BNC2: variants seen among roughly 807,000 people sequenced by gnomAD.
The protein encoded by BNC2 is basonuclin zinc finger protein 2, also known as zinc finger protein basonuclin-2.
BNC2 carries 20 observed loss-of-function variants against 76.3 expected under a neutral mutation model. The ratio of observed to expected loss-of-function variants is 0.26; its 90% CI spans 0.18 to 0.38. BNC2 has a LOEUF of 0.38. Among genes scored for constraint, BNC2 ranks in the 10% least tolerant of loss-of-function variants. BNC2 has a pLI of 1.00. For missense variants in BNC2, 1,382 were observed against 1,399.8 expected (o/e 0.99, Z 0.20); for synonymous variants, 582 against 514.8 (o/e 1.13, Z -1.77).
intron 5 of BNC2, among the ~76,000 whole-genome samples, chr9:16,548,435 T>A (rs2132478856): frequency 6.6e-6 from 1 of 151,528 alleles, no homozygotes; most frequent in Admixed American, 6.6e-5. Flanking sequence ...AGATGGAGTC[T>A]CGCTGCAATG....
chr9:16,614,285 T>C lies in BNC2; in HGVS notation c.331-31200A>G, dbSNP rs576097698. Among the ~76,000 whole-genome samples, 38 of 105,202 alleles carry C rather than the reference T, an allele frequency of 3.6e-4. No individual in the cohort carries two copies. The Admixed American group carries it at 4.0e-3, about 11-fold the overall frequency. The allele number at this position is 105,202 out of a possible 152,430, so 69.0% of individuals were successfully genotyped here. A position where few individuals can be genotyped will look rare whatever the true frequency, so the allele number is the denominator to read the frequency against. The stretch of plus-strand genomic sequence containing the variant: ...AAATCTTTCTATAATATTACTGTCA[T>C]AAAGACCTTATTAGCAAGGATGGGG... On this transcript the variant is annotated intron_variant, in intron 3 of 6. Transcript: ENST00000380672.
intron 5 of BNC2, among the ~76,000 whole-genome samples, chr9:16,456,098 T>C (rs1821442643): frequency 6.6e-6 from 1 of 152,140 alleles, no homozygotes; most frequent in Admixed American, 6.5e-5. Context: ...GAAGAAAAGG[T>C]ACTATTACAT....
At chr9:16,785,787 A>G (rs1826276656) in intron 1 of BNC2, among the ~76,000 whole-genome samples, 1 of 150,328 alleles carries the variant, frequency 6.7e-6, no homozygotes, top group African/African-American at 2.4e-5. Flanking sequence ...AGCCTGGGCA[A>G]CAGAGCCAGA....
rs147346587 is a variant in BNC2 at position 16,568,924 on chromosome 9, C to T, written c.433+14059G>A. Among the ~76,000 whole-genome samples, 169 of 151,586 alleles carry T rather than the reference C, an allele frequency of 1.1e-3. 2 individuals are homozygous for T. Among genetic ancestry groups the T allele is most frequent in the African/African-American group, 3.9e-3 (162 of 41,308 alleles). On this transcript the variant is annotated intron_variant, in intron 4 of 6. Coordinates refer to ENST00000380672, the MANE Select transcript of BNC2 (RefSeq NM_017637.6). ...GTTAAGTACAAAATAACTCATGTTC[C>T]ATTTAAGTCACAACTTTCTAACTGT...
chr9:16,858,145 T>A (rs1819308653), intron 1 of BNC2, among the ~76,000 whole-genome samples: 1 of 152,210 alleles, frequency 6.6e-6, no homozygotes, highest in Admixed American at 6.5e-5. Flanking sequence ...TGACGGGATG[T>A]CTAGGAAGAC....
At chr9:16,652,472 GTTATTT>G (rs1382721615) in intron 3 of BNC2, among the ~76,000 whole-genome samples, 1 of 137,494 alleles carries the variant, frequency 7.3e-6, no homozygotes, top group African/African-American at 3.1e-5. Flanking sequence ...TGCCTTACTT[GTTATTT>G]TTATCTTCAG....
rs578097827 is a variant in BNC2, at chr9:16,844,651, A to G, written c.3+25995T>C. ...GTAGCTGGGACTACAGGCACCCGCC[A>G]CCACGCCCGGCTAATTTTTGTATTT... On this transcript the variant is annotated intron_variant, in intron 1 of 6. Coordinates refer to ENST00000380672, the MANE Select transcript of BNC2 (RefSeq NM_017637.6). Among the ~76,000 whole-genome samples, 5 of 152,084 alleles carry G rather than the reference A, an allele frequency of 3.3e-5. No homozygotes were observed. The South Asian group carries it at 8.3e-4, about 25-fold the overall frequency.
At chr9:16,841,681 A>C (rs1457011510) in intron 1 of BNC2, among the ~76,000 whole-genome samples, 1 of 152,240 alleles carries the variant, frequency 6.6e-6, no homozygotes, top group East Asian at 1.9e-4. Flanking sequence ...TTAAACACTT[A>C]AAACGTGAAA....
At chr9:16,791,291 G>A (rs896979745) in intron 1 of BNC2, among the ~76,000 whole-genome samples, 3 of 152,058 alleles carry the variant, frequency 2.0e-5, no homozygotes, top group Admixed American at 2.0e-4. Flanking sequence ...TCGATCTCCT[G>A]ACATCGTGAT....
intron 6 of BNC2, among the ~76,000 whole-genome samples, chr9:16,435,279 T>C (rs979366773): frequency 2.0e-5 from 3 of 152,108 alleles, no homozygotes; most frequent in Non-Finnish European, 4.4e-5. Context: ...CCTAGATGCA[T>C]GAAAACACAT....
chr9:16,515,109 C>A (rs1362370892), intron 5 of BNC2, among the ~76,000 whole-genome samples: 1 of 152,154 alleles, frequency 6.6e-6, no homozygotes, highest in Non-Finnish European at 1.5e-5. Context: ...GACCACTGAA[C>A]AAGTGTTAAT....
intron 5 of BNC2, among the ~76,000 whole-genome samples, chr9:16,495,517 G>T (rs1822369671): frequency 6.6e-6 from 1 of 152,194 alleles, no homozygotes; most frequent in Non-Finnish European, 1.5e-5. Context: ...CTAGAGATTT[G>T]GGTCCGGTCC....
intron 3 of BNC2, among the ~76,000 whole-genome samples, chr9:16,631,592 T>C (rs1303286757): frequency 6.6e-6 from 1 of 152,244 alleles, no homozygotes; most frequent in East Asian, 1.9e-4. Flanking sequence ...AAGTTTTTCA[T>C]TCTGCAACTG....
rs956051811 is a variant in BNC2 at position 16,413,457 on chromosome 9, T to C, written c.*5532A>G. 2.6e-5 allele frequency: 4 copies of C among 152,168 alleles called. No individual in the cohort carries two copies. Among genetic ancestry groups the C allele is most frequent in the Admixed American group, 2.0e-4 (3 of 15,280 alleles). 9.4% of individuals were successfully genotyped at this position (152,168 alleles called of 1,614,324 possible). A position where few individuals can be genotyped will look rare whatever the true frequency, so the allele number is the denominator to read the frequency against. ...TCTTTTGGATTAAAAGCATTTGGAT[T>C]TTTCAACAAATGCCAAAAAGACAGT... On this transcript the variant is annotated 3_prime_UTR_variant, in exon 7 of 7. Coordinates refer to ENST00000380672, the MANE Select transcript of BNC2 (RefSeq NM_017637.6).
intron 4 of BNC2, among the ~76,000 whole-genome samples, chr9:16,569,524 A>C (rs891464257): frequency 2.0e-5 from 3 of 152,168 alleles, no homozygotes; most frequent in Non-Finnish European, 4.4e-5. Flanking sequence ...CCTTACGCAT[A>C]ATAAAGTCCT....
chr9:16,497,062 G>C (rs937845839), intron 5 of BNC2, among the ~76,000 whole-genome samples: 3 of 152,250 alleles, frequency 2.0e-5, no homozygotes, highest in Admixed American at 6.5e-5. Context: ...GTTCTGCAGA[G>C]TCAGGCATTG....
At chr9:16,835,338 T>C (rs893393288) in intron 1 of BNC2, among the ~76,000 whole-genome samples, 1 of 152,178 alleles carries the variant, frequency 6.6e-6, no homozygotes, top group African/African-American at 2.4e-5. Context: ...TACAACCCCA[T>C]GAGTTAGGTA....
intron 1 of BNC2, among the ~76,000 whole-genome samples, chr9:16,756,665 C>T (rs570553475): frequency 6.6e-6 from 1 of 152,252 alleles, no homozygotes; most frequent in Admixed American, 6.5e-5. Context: ...CATTCCTGAA[C>T]CTCTCCCCTT....
At chr9:16,498,171 T>TCATATATATATTCC (rs1822437145) in intron 5 of BNC2, among the ~76,000 whole-genome samples, 3 of 141,784 alleles carry the variant, frequency 2.1e-5, no homozygotes, top group South Asian at 2.2e-4. Context: ...ATATATATTC[T>TCATATATATATTCC]ATCATATATA....
Sources: gnomAD v4.1 joint callset for allele counts (sites outside exome capture counted in the v4.1 genomes callset) on GRCh38, gnomAD v4.1.1 for gene constraint, MANE v1.5 for transcripts, NCBI Gene and HGNC (gene_info 2026-07-23, HGNC 2026-07-21) for gene names.